TINAG: variants seen among roughly 807,000 people sequenced by gnomAD.
The protein encoded by TINAG is tubulointerstitial nephritis antigen.
TINAG carries 83 observed loss-of-function variants against 72.7 expected under a neutral mutation model. That is an observed-to-expected ratio of 1.14 (90% CI 0.96 to 1.37). The LOEUF is 1.37. Ranked by LOEUF, TINAG falls within the 40% of genes most tolerant of loss-of-function variation. TINAG has a pLI of 0.00. For synonymous variants in TINAG, 234 were observed against 189.9 expected (o/e 1.23, Z -1.91); for missense variants, 685 against 576.6 (o/e 1.19, Z -1.93).
At chr6:54,313,410 C>A (rs529960399) in intron 1 of TINAG, among the ~76,000 whole-genome samples, 1 of 152,014 alleles carries the variant, frequency 6.6e-6, no homozygotes, top group African/African-American at 2.4e-5. Flanking sequence ...CTTAACAGAC[C>A]CTTCTGTAAT....
At chr6:54,333,878 A>G (rs1369294326) in intron 4 of TINAG, among the ~76,000 whole-genome samples, 2 of 152,042 alleles carry the variant, frequency 1.3e-5, no homozygotes, top group East Asian at 3.9e-4. Context: ...CTTGATGATT[A>G]GTAAAGGTTG....
intron 10 of TINAG, among the ~76,000 whole-genome samples, chr6:54,384,851 A>T (rs547264061): frequency 2.8e-4 from 43 of 152,304 alleles, no homozygotes; most frequent in African/African-American, 9.6e-4. Flanking sequence ...ATTGAAATTC[A>T]TAGGATATTA....
At chr6:54,341,677 A>AT in intron 4 of TINAG, among the ~76,000 whole-genome samples, 1 of 152,292 alleles carries the variant, frequency 6.6e-6, no homozygotes, top group South Asian at 2.1e-4. Flanking sequence ...TATCAGAAGT[A>AT]ATTTTTTTTT....
chr6:54,326,450 T>C (rs897850463), intron 3 of TINAG, among the ~76,000 whole-genome samples: 2 of 152,120 alleles, frequency 1.3e-5, no homozygotes, highest in African/African-American at 4.8e-5. Flanking sequence ...ATTTAATGTA[T>C]AAGTGCATTT....
chr6:54,329,216 G>A (rs1466312557), intron 4 of TINAG, among the ~76,000 whole-genome samples: 1 of 152,076 alleles, frequency 6.6e-6, no homozygotes, highest in Non-Finnish European at 1.5e-5. Flanking sequence ...GTTAAGAAGA[G>A]TCAGATAGAA....
chr6:54,351,335 C>A lies in TINAG; in HGVS notation c.1081-17C>A. 1 of 1,603,756 alleles carries A rather than the reference C, an allele frequency of 6.2e-7. No homozygotes were observed. Among genetic ancestry groups the A allele is most frequent in the South Asian group, 1.1e-5 (1 of 90,742 alleles). The stretch of plus-strand genomic sequence containing the variant: ...TCTGATAACAATGATATTGCTTATT[C>A]ATATTTTTCCATCCAGGAAACTGAG... On this transcript the variant is annotated splice_polypyrimidine_tract_variant and intron_variant, in intron 7 of 10. Transcript: ENST00000259782.
At chr6:54,368,882 G>A (rs1763518082) in intron 9 of TINAG, among the ~76,000 whole-genome samples, 1 of 151,522 alleles carries the variant, frequency 6.6e-6, no homozygotes, top group Admixed American at 6.6e-5. Context: ...ATATTTCAGA[G>A]ATTCTTACAT....
chr6:54,352,834 C>T (rs1359091293), intron 8 of TINAG, among the ~76,000 whole-genome samples: 1 of 150,672 alleles, frequency 6.6e-6, no homozygotes, highest in East Asian at 2.0e-4. Context: ...ATTTTATGGC[C>T]ATATACTGAA....
intron 9 of TINAG, among the ~76,000 whole-genome samples, chr6:54,379,042 C>A (rs185047917): frequency 3.1e-4 from 47 of 152,208 alleles, no homozygotes; most frequent in African/African-American, 1.1e-3. Context: ...TGCAAACTCA[C>A]CAGGTTGGAA....
intron 5 of TINAG, among the ~76,000 whole-genome samples, chr6:54,346,862 G>T (rs1209957383): frequency 6.6e-6 from 1 of 151,990 alleles, no homozygotes; most frequent in African/African-American, 2.4e-5. Context: ...TAAAAACAAA[G>T]AATTCAGTTT....
chr6:54,357,699 A>G (rs981398789), intron 9 of TINAG, among the ~76,000 whole-genome samples: 3 of 151,876 alleles, frequency 2.0e-5, no homozygotes, highest in Non-Finnish European at 4.4e-5. Context: ...ACTGTTTACT[A>G]TCTGAACTAC....
intron 9 of TINAG, among the ~76,000 whole-genome samples, chr6:54,362,530 C>T (rs1763271806): frequency 6.6e-6 from 1 of 151,632 alleles, no homozygotes; most frequent in Non-Finnish European, 1.5e-5. Context: ...ACCTAATCAC[C>T]TAAGAGCTCT....
intron 10 of TINAG, among the ~76,000 whole-genome samples, chr6:54,382,131 C>T (rs1763970671): frequency 6.6e-6 from 1 of 152,104 alleles, no homozygotes; most frequent in Non-Finnish European, 1.5e-5. Flanking sequence ...GAACTTACTA[C>T]TTATCAAACA....
chr6:54,327,626 T>C (rs1280290902), intron 4 of TINAG, among the ~76,000 whole-genome samples: 1 of 151,922 alleles, frequency 6.6e-6, no homozygotes, highest in East Asian at 1.9e-4. Context: ...TCCTGGAAAG[T>C]GGGCTGATGC....
At chr6:54,310,570 C>T (rs1268738373) in intron 1 of TINAG, among the ~76,000 whole-genome samples, 1 of 147,250 alleles carries the variant, frequency 6.8e-6, no homozygotes, top group African/African-American at 2.5e-5. Context: ...TTCCCTCCCT[C>T]TCTCTTTCTT....
At chr6:54,327,203 G>A (rs371934727) in intron 4 of TINAG, 15 of 1,529,566 alleles carry the variant, frequency 9.8e-6, no homozygotes, top group Admixed American at 8.2e-5. Context: ...AGCTCCCAGC[G>A]AGACCAACGT....
chr6:54,385,707 G>T (rs1204705380), intron 10 of TINAG, among the ~76,000 whole-genome samples: 7 of 151,470 alleles, frequency 4.6e-5, no homozygotes, highest in Non-Finnish European at 1.0e-4. Context: ...AATATAGGCC[G>T]ATATCTCTCA....
At chr6:54,332,580 A>T (rs1389929132) in intron 4 of TINAG, among the ~76,000 whole-genome samples, 1 of 152,202 alleles carries the variant, frequency 6.6e-6, no homozygotes, top group Non-Finnish European at 1.5e-5. Flanking sequence ...TGAATAAAAC[A>T]CCAAAAGCAA....
intron 1 of TINAG, among the ~76,000 whole-genome samples, chr6:54,312,740 T>A (rs1171688041): frequency 6.6e-6 from 1 of 152,178 alleles, no homozygotes; most frequent in East Asian, 1.9e-4. Flanking sequence ...TATTTAAAAA[T>A]CCAGATGTTT....
Sources: allele counts gnomAD v4.1 joint callset (sites outside exome capture counted in the v4.1 genomes callset), GRCh38; gene constraint gnomAD v4.1.1; transcripts MANE v1.5; gene names NCBI Gene and HGNC (gene_info 2026-07-23, HGNC 2026-07-21).